Variants in GPC5 observed in about 807,000 individuals in gnomAD.
GPC5 encodes glypican-5.
A neutral mutation model predicts 53.9 loss-of-function variants in GPC5; 47 were observed. The observed-to-expected ratio is 0.87, with a 90% CI of 0.69 to 1.11. The LOEUF (loss-of-function observed/expected upper bound fraction) is 1.11. GPC5 is among the 50% of genes most tolerant of loss of function. The pLI, the probability that GPC5 is intolerant of heterozygous loss-of-function variation, is 0.00. For synonymous variants in GPC5, 286 were observed against 263.3 expected (o/e 1.09, Z -0.84); for missense variants, 748 against 713.1 (o/e 1.05, Z -0.56).
intron 5 of GPC5, among the ~76,000 whole-genome samples, chr13:91,831,298 C>T (rs2038655467): frequency 6.6e-6 from 1 of 151,422 alleles, no homozygotes; most frequent in Admixed American, 6.6e-5. Context: ...AGGACAATCT[C>T]TCATTTTTAC....
intron 7 of GPC5, among the ~76,000 whole-genome samples, chr13:92,479,115 G>C (rs1594236788): frequency 6.6e-6 from 1 of 152,104 alleles, no homozygotes; most frequent in Non-Finnish European, 1.5e-5. Flanking sequence ...AAAGAGTTCA[G>C]AATGAGTCAT....
chr13:91,781,592 T>C (rs1460960591), intron 5 of GPC5, among the ~76,000 whole-genome samples: 1 of 152,254 alleles, frequency 6.6e-6, no homozygotes, highest in Non-Finnish European at 1.5e-5. Flanking sequence ...GTCTTCTATA[T>C]GCCAAGCCTA....
At chr13:91,515,357 CT>C (rs1885441823) in intron 2 of GPC5, among the ~76,000 whole-genome samples, 1 of 152,050 alleles carries the variant, frequency 6.6e-6, no homozygotes, top group African/African-American at 2.4e-5. Context: ...ATGGAGCATT[CT>C]TTATGGCAGG....
chr13:92,180,420 A>G (rs2042138334), intron 7 of GPC5, among the ~76,000 whole-genome samples: 1 of 152,212 alleles, frequency 6.6e-6, no homozygotes, highest in African/African-American at 2.4e-5. Flanking sequence ...GTGAATGTGT[A>G]TGTATTTGTG....
intron 1 of GPC5, among the ~76,000 whole-genome samples, chr13:91,429,729 G>T (rs1257279306): frequency 6.6e-6 from 1 of 152,174 alleles, no homozygotes; most frequent in South Asian, 2.1e-4. Context: ...TATTCATTAT[G>T]CAAAACAAAC....
intron 7 of GPC5, among the ~76,000 whole-genome samples, chr13:92,466,043 A>T (rs1175726024): frequency 6.6e-6 from 1 of 152,024 alleles, no homozygotes; most frequent in East Asian, 1.9e-4. Flanking sequence ...CTAGAAGAGG[A>T]CACTTTAAAT....
intron 5 of GPC5, among the ~76,000 whole-genome samples, chr13:91,817,146 G>A (rs558691385): frequency 6.6e-6 from 1 of 152,130 alleles, no homozygotes; most frequent in East Asian, 1.9e-4. Context: ...ATTTTATTTT[G>A]TGATTTCCCC....
intron 7 of GPC5, among the ~76,000 whole-genome samples, chr13:92,261,578 T>C (rs1191141001): frequency 6.6e-6 from 1 of 152,038 alleles, no homozygotes; most frequent in East Asian, 1.9e-4. Flanking sequence ...TCTGCCAGCT[T>C]TAAAGAAATG....
intron 6 of GPC5, among the ~76,000 whole-genome samples, chr13:92,050,911 C>T (rs1416010737): frequency 6.6e-6 from 1 of 152,148 alleles, no homozygotes; most frequent in Non-Finnish European, 1.5e-5. Flanking sequence ...TAATTGGACT[C>T]TCTGAAGTAT....
At chr13:91,964,186 G>A (rs188239905) in intron 6 of GPC5, among the ~76,000 whole-genome samples, 50 of 152,332 alleles carry the variant, frequency 3.3e-4, no homozygotes, top group African/African-American at 1.1e-3. Context: ...GACCTTCACA[G>A]TGAGTGTTAC....
intron 6 of GPC5, among the ~76,000 whole-genome samples, chr13:91,963,967 G>C (rs372446370): frequency 2.6e-5 from 4 of 152,100 alleles, no homozygotes; most frequent in Non-Finnish European, 5.9e-5. Flanking sequence ...GGATTCCTCA[G>C]GGATCTAAAA....
chr13:91,793,506 T>C (rs1190999502), intron 5 of GPC5, among the ~76,000 whole-genome samples: 4 of 152,186 alleles, frequency 2.6e-5, no homozygotes, highest in African/African-American at 7.2e-5. Flanking sequence ...AGAAACTCTT[T>C]TATAATCACT....
chr13:92,608,285 A>C (rs1003097516), intron 7 of GPC5, among the ~76,000 whole-genome samples: 1 of 152,144 alleles, frequency 6.6e-6, no homozygotes, highest in African/African-American at 2.4e-5. Flanking sequence ...TTAACTGTTA[A>C]TTGTGCACAG....
chr13:91,800,615 A>G (rs2038119005), intron 5 of GPC5, among the ~76,000 whole-genome samples: 1 of 152,138 alleles, frequency 6.6e-6, no homozygotes, highest in African/African-American at 2.4e-5. Flanking sequence ...TGCAGAGTAC[A>G]TAATATGCTT....
At chr13:92,558,578 G>T (rs992735613) in intron 7 of GPC5, among the ~76,000 whole-genome samples, 3 of 151,956 alleles carry the variant, frequency 2.0e-5, no homozygotes, top group Non-Finnish European at 2.9e-5. Context: ...TAAAAACATG[G>T]TTTCTTGAAA....
chr13:92,784,985 A>G (rs1876163931), intron 7 of GPC5, among the ~76,000 whole-genome samples: 1 of 152,180 alleles, frequency 6.6e-6, no homozygotes, highest in Admixed American at 6.5e-5. Context: ...CCATCAGTAA[A>G]AAAGCCTGGG....
chr13:92,860,013 A>G (rs1385103149), intron 7 of GPC5, among the ~76,000 whole-genome samples: 1 of 152,136 alleles, frequency 6.6e-6, no homozygotes, highest in African/African-American at 2.4e-5. Context: ...GCCACTAATA[A>G]TTTATCTGAT....
intron 7 of GPC5, among the ~76,000 whole-genome samples, chr13:92,316,474 C>T (rs767977631): frequency 1.3e-4 from 19 of 151,934 alleles, no homozygotes; most frequent in Non-Finnish European, 2.2e-4. Context: ...ACTTTTTTGC[C>T]ATGAAATGAT....
At chr13:92,591,849 C>G (rs772945213) in intron 7 of GPC5, among the ~76,000 whole-genome samples, 1 of 152,138 alleles carries the variant, frequency 6.6e-6, no homozygotes, top group Non-Finnish European at 1.5e-5. Context: ...TTGTCTTAGG[C>G]AGTGATAGTG....
Sources: allele counts gnomAD v4.1 joint callset (sites outside exome capture counted in the v4.1 genomes callset), GRCh38; gene constraint gnomAD v4.1.1; transcripts MANE v1.5; gene names NCBI Gene and HGNC (gene_info 2026-07-23, HGNC 2026-07-21).